FAM162B: variants seen among roughly 807,000 people sequenced by gnomAD.
The protein encoded by FAM162B is protein FAM162B.
In FAM162B, 16 loss-of-function variants were observed where a neutral mutation model predicts 20.0. The ratio of observed to expected loss-of-function variants is 0.80; its 90% CI spans 0.54 to 1.21. The LOEUF is 1.21. Among genes scored for constraint, FAM162B ranks in the 50% most tolerant of loss-of-function variants. The pLI is 0.00. For synonymous variants in FAM162B, 83 were observed against 89.7 expected (o/e 0.93, Z 0.42); for missense variants, 260 against 227.5 (o/e 1.14, Z -0.92).
chr6:116,765,567 C>A lies in FAM162B; in HGVS notation c.10G>T (p.Ala4Ser), dbSNP rs1395510963. 2.2e-6 allele frequency: 3 copies of A among 1,355,408 alleles called. No homozygotes were observed. Among genetic ancestry groups the A allele is most frequent in the Non-Finnish European group, 2.8e-6 (3 of 1,062,318 alleles). 84.0% of individuals were successfully genotyped at this position (1,355,408 alleles called of 1,614,324 possible). MLR[A>S]VGSLLRLGRG... is the part of the protein sequence containing the mutation. ...CCAAGGCGCAGTAGGCTCCCGACCG[C>A]CCTGAGCATGCTGCCCGCTTGTCCC... Residue 4 changes from alanine (A) to serine (S), a missense_variant, in exon 1 of 4, where the codon GCG becomes TCG. Ala to Ser is a moderately conservative substitution (Grantham distance 99, BLOSUM62 1). Transcript: ENST00000368557.
chr6:116,765,564 C>A lies in FAM162B; in HGVS notation c.13G>T (p.Val5Phe). The A allele has an allele frequency of 7.4e-7, 1 of 1,357,154 alleles. No individual in the cohort carries two copies. The highest frequency in any genetic ancestry group is 9.4e-7 in the Non-Finnish European group (1 of 1,063,150). The allele number at this position is 1,357,154 out of a possible 1,614,324, so 84.1% of individuals were successfully genotyped here. MLRA[V>F]GSLLRLGRGL... ...CGGCCAAGGCGCAGTAGGCTCCCGA[C>A]CGCCCTGAGCATGCTGCCCGCTTGT... Residue 5 changes from valine to phenylalanine, a missense_variant, in exon 1 of 4, where the codon GTC becomes TTC. Physicochemically the swap from Val to Phe is conservative, Grantham distance 50. Coordinates refer to ENST00000368557, the MANE Select transcript of FAM162B (RefSeq NM_001085480.3).
chr6:116,764,889 C>T (rs537367587), intron 2 of FAM162B, among the ~76,000 whole-genome samples: 2 of 152,190 alleles, frequency 1.3e-5, no homozygotes, highest in African/African-American at 4.8e-5. Flanking sequence ...GCAATCTGGG[C>T]GGTGCTGGAA....
At chr6:116,754,921 C>T in intron 3 of FAM162B, among the ~76,000 whole-genome samples, 1 of 152,066 alleles carries the variant, frequency 6.6e-6, no homozygotes, top group Admixed American at 6.6e-5. Context: ...CATAAGTATG[C>T]CCATATAAGA....
At chr6:116,756,488 G>T (rs1306259238) in intron 3 of FAM162B, among the ~76,000 whole-genome samples, 1 of 152,146 alleles carries the variant, frequency 6.6e-6, no homozygotes, top group African/African-American at 2.4e-5. Flanking sequence ...TGTGAACATT[G>T]GTGAAATTAG....
chr6:116,762,353 T>C (rs1404959466), intron 2 of FAM162B, among the ~76,000 whole-genome samples: 2 of 152,200 alleles, frequency 1.3e-5, no homozygotes, highest in African/African-American at 4.8e-5. Flanking sequence ...AAAATATAAC[T>C]ACTAGAGATG....
At position 116,752,637 on chromosome 6, in the gene FAM162B, C is replaced by T. The variant is rs553850431; in HGVS notation, c.449G>A (p.Arg150His). 50 of 1,592,848 alleles carry T rather than the reference C, an allele frequency of 3.1e-5. No individual in the cohort carries two copies. Among genetic ancestry groups the T allele is most frequent in the South Asian group, 1.7e-4 (15 of 88,006 alleles). The change falls in exon 4 of 4, where the codon CGT becomes CAT. Residue 150 changes from arginine (R) to histidine (H), a missense_variant. Transcript: ENST00000368557. Reference sequence around the variant, plus strand: ...CTGTGCAGCCAATGCAGCTTCTTCACGCCACTTAGCTTTCTTTGCCAAGTT... The same window carrying T: ...CTGTGCAGCCAATGCAGCTTCTTCATGCCACTTAGCTTTCTTTGCCAAGTT... ...SWNLAKKAKW[R>H]EEAALAAQAK... is the part of the protein sequence containing the mutation.
rs1314352571 is a variant in FAM162B, at chr6:116,765,671, G to T, written c.-95C>A. 1.6e-6 allele frequency: 2 copies of T among 1,226,024 alleles called. No individual in the cohort carries two copies. Among genetic ancestry groups the T allele is most frequent in the Non-Finnish European group, 2.0e-6 (2 of 979,670 alleles). The allele number at this position is 1,226,024 out of a possible 1,614,324, so 75.9% of individuals were successfully genotyped here. On this transcript the variant is annotated 5_prime_UTR_variant, in exon 1 of 4. Coordinates refer to ENST00000368557, the MANE Select transcript of FAM162B (RefSeq NM_001085480.3). ...CTCGTCCCGCCCCGGCCTGCCGCGC[G>T]CTGGAGAGCCTGGGACGTGCAGCTG... is the stretch of plus-strand genomic sequence containing the variant.
At chr6:116,764,483 T>C (rs1298589185) in intron 2 of FAM162B, among the ~76,000 whole-genome samples, 1 of 152,090 alleles carries the variant, frequency 6.6e-6, no homozygotes. Flanking sequence ...ATTTTACAGG[T>C]TACATTACCT....
chr6:116,752,713 T>A lies in FAM162B; in HGVS notation c.391-18A>T, dbSNP rs1562466618. 6.3e-5 allele frequency: 5 copies of A among 79,462 alleles called. No individual in the cohort carries two copies. Among genetic ancestry groups the A allele is most frequent in the East Asian group, 4.4e-4 (1 of 2,298 alleles). 4.9% of individuals were successfully genotyped at this position (79,462 alleles called of 1,614,324 possible). On this transcript the variant is annotated intron_variant, in intron 3 of 3. Transcript: ENST00000368557. Reference sequence around the variant, plus strand: ...TCTACAGCCTGTGGGGGGGAAGAAATATATATATATATATATATATAGATA... The same window carrying A: ...TCTACAGCCTGTGGGGGGGAAGAAAAATATATATATATATATATATAGATA...
intron 2 of FAM162B, among the ~76,000 whole-genome samples, chr6:116,764,564 G>A (rs1050875645): frequency 6.6e-6 from 1 of 152,102 alleles, no homozygotes; most frequent in African/African-American, 2.4e-5. Context: ...GAGGCCCACA[G>A]TGCTGACACT....
In FAM162B at chr6:116,762,009, C is replaced by T. The variant is rs41306045; in HGVS notation, c.358G>A (p.Ala120Thr). The T allele has an allele frequency of 0.02, 31,437 of 1,601,908 alleles. 463 individuals carry two copies. Among genetic ancestry groups the T allele is most frequent in the South Asian group, 0.046 (4,111 of 89,798 alleles). Residue 120 changes from alanine (A) to threonine (T), a missense_variant, in exon 3 of 4, where the codon GCC (alanine) becomes ACC (threonine). Coordinates refer to ENST00000368557, the MANE Select transcript of FAM162B (RefSeq NM_001085480.3). ...GCTGACACTATCACAGCAAAGCAGG[C>T]GATAATTGTGAGTCCAATCATTATG... ...CYIMIGLTIIACFAVIVSAKR... is the reference protein window; with the variant it reads ...CYIMIGLTIITCFAVIVSAKR...
chr6:116,765,043 T>C, intron 2 of FAM162B, 104 bp downstream of exon 2: 2 of 1,037,606 alleles, frequency 1.9e-6, no homozygotes, highest in Non-Finnish European at 1.5e-6. Context: ...GTGTTGGCAC[T>C]GCGGCCGCTT....
chr6:116,765,227 G>A lies in FAM162B; in HGVS notation c.201C>T (p.Arg67=). ...TTTTCTTGTCGAACTGCGAAGGCCT[G>A]CGCTGCGTGGGGACTCGGTGAATCT... ...HGEIHRVPTQ[R]RPSQFDKKIL... is the part of the protein sequence containing the mutation. The change falls in exon 2 of 4, where the codon CGC becomes CGT. Residue 67 remains arginine, a synonymous_variant. Coordinates refer to ENST00000368557, the MANE Select transcript of FAM162B (RefSeq NM_001085480.3). 1 of 1,613,868 alleles carries A rather than the reference G, an allele frequency of 6.2e-7. No individual in the cohort carries two copies. The highest frequency in any genetic ancestry group is 8.5e-7 in the Non-Finnish European group (1 of 1,179,952).
chr6:116,755,447 G>C (rs1780041898), intron 3 of FAM162B, among the ~76,000 whole-genome samples: 1 of 152,226 alleles, frequency 6.6e-6, no homozygotes, highest in African/African-American at 2.4e-5. Flanking sequence ...GAAGCTAGCA[G>C]AGGTTGGTTC....
chr6:116,763,350 T>A (rs540501157), intron 2 of FAM162B, among the ~76,000 whole-genome samples: 5 of 152,268 alleles, frequency 3.3e-5, no homozygotes, highest in African/African-American at 1.2e-4. Flanking sequence ...AAATTATAGG[T>A]CACTTGTTCA....
chr6:116,752,603 A>G lies in FAM162B; in HGVS notation c.483T>C (p.Ala161=). Residue 161 remains alanine, a synonymous_variant, in exon 4 of 4, where the codon GCT becomes GCC. Transcript: ENST00000368557. The part of the protein sequence containing the change: ...EEAALAAQAK[A]K ...CACTTTGTCACTTAGAATATCATTT[A>G]GCTTTAGCCTGTGCAGCCAATGCAG... is the stretch of plus-strand genomic sequence containing the variant. 6.3e-7 allele frequency: 1 copy of G among 1,581,268 alleles called. No individual in the cohort carries two copies. The highest frequency in any genetic ancestry group is 1.2e-5 in the South Asian group (1 of 85,664).
At chr6:116,765,071 C>T in intron 2 of FAM162B, 76 bp downstream of exon 2, 1 of 1,442,554 alleles carries the variant, frequency 6.9e-7, no homozygotes, top group Admixed American at 1.7e-5. Context: ...TAGGTGGCCG[C>T]GGTCGGAAGG....
In FAM162B at chr6:116,765,299, G is replaced by T. The variant is rs574166981; in HGVS notation, c.173-44C>A. 1.9e-6 allele frequency: 3 copies of T among 1,597,740 alleles called. No homozygotes were observed. The Admixed American group carries it at 5.1e-5, about 27-fold the overall frequency. ...AGATGGACGCGGGAACTGACGCACC[G>T]GCACAGAGGATCAGCGCGCCCTCAA... On this transcript the variant is annotated intron_variant, in intron 1 of 3. Transcript: ENST00000368557.
intron 3 of FAM162B, among the ~76,000 whole-genome samples, chr6:116,756,558 G>T (rs1218486200): frequency 6.6e-6 from 1 of 152,192 alleles, no homozygotes; most frequent in African/African-American, 2.4e-5. Flanking sequence ...GGGTTTGAGA[G>T]AACTGACTCC....
Sources: gnomAD v4.1 joint callset for allele counts (sites outside exome capture counted in the v4.1 genomes callset) on GRCh38, gnomAD v4.1.1 for gene constraint, MANE v1.5 for transcripts, NCBI Gene and HGNC (gene_info 2026-07-23, HGNC 2026-07-21) for gene names.